NSD3: variants seen among roughly 807,000 people sequenced by gnomAD.
The protein encoded by NSD3 is nuclear receptor binding SET domain protein 3.
A neutral mutation model predicts 160.8 loss-of-function variants in NSD3; 24 were observed. The observed-to-expected ratio is 0.15, with a 90% CI of 0.11 to 0.21. NSD3 has a LOEUF of 0.21. Among genes scored for constraint, NSD3 ranks in the 10% least tolerant of loss-of-function variants. NSD3 has a pLI of 1.00. For synonymous variants in NSD3, 520 were observed against 600.0 expected (o/e 0.87, Z 1.95); for missense variants, 1,157 against 1,735.9 (o/e 0.67, Z 5.93).
At chr8:38,365,741 C>T (rs769905896) in intron 1 of NSD3, among the ~76,000 whole-genome samples, 3 of 151,906 alleles carry the variant, frequency 2.0e-5, no homozygotes, top group Admixed American at 1.3e-4. Flanking sequence ...CCACCGCACC[C>T]GGCTTAGATT....
intron 2 of NSD3, among the ~76,000 whole-genome samples, chr8:38,344,891 A>G (rs1212170772): frequency 6.6e-6 from 1 of 152,202 alleles, no homozygotes. Context: ...ACCAGTAGGC[A>G]TAGGGTATTG....
At chr8:38,344,772 T>TG (rs1264267110) in intron 2 of NSD3, among the ~76,000 whole-genome samples, 1 of 152,184 alleles carries the variant, frequency 6.6e-6, no homozygotes, top group African/African-American at 2.4e-5. Flanking sequence ...CTGAGGCATC[T>TG]GGGGGAGGGA....
In NSD3 at chr8:38,289,449, C is replaced by G. The variant is rs1372122149; in HGVS notation, c.3175G>C (p.Glu1059Gln). The stretch of plus-strand genomic sequence containing the variant: ...GAGTTTTTTTCAATCTCTAGGGCTT[C>G]TTTACTTTCTCTTTGTGCTTTCAAT... ...QELKAQRESK[E>Q]ALEIEKNSRK... Residue 1059 changes from glutamate to glutamine, a missense_variant, in exon 18 of 24, where the codon GAA (glutamate) becomes CAA (glutamine). Around this residue, in one of 10 missense-constraint regions of NSD3, gnomAD observed 437 missense variants for 576.6 expected, o/e 0.76. Coordinates refer to ENST00000317025, the MANE Select transcript of NSD3 (RefSeq NM_023034.2). The G allele has an allele frequency of 1.2e-6, 2 of 1,613,738 alleles. No homozygotes were observed. Among genetic ancestry groups the G allele is most frequent in the African/African-American group, 2.7e-5 (2 of 74,858 alleles).
intron 10 of NSD3, 64 bp downstream of exon 10, chr8:38,315,848 T>C (rs1009843073): frequency 2.4e-5 from 38 of 1,553,458 alleles, no homozygotes; most frequent in Admixed American, 1.9e-4. Context: ...TTTCCCCAAA[T>C]AAATAAGGGA....
At chr8:38,338,780 G>C (rs1460014428) in intron 2 of NSD3, among the ~76,000 whole-genome samples, 173 bp from the exon 3 acceptor site, 2 of 152,148 alleles carry the variant, frequency 1.3e-5, no homozygotes, top group Non-Finnish European at 2.9e-5. Flanking sequence ...ACCTAATGCT[G>C]TCTCAACATT....
chr8:38,285,623 A>G (rs1387188815), intron 19 of NSD3, among the ~76,000 whole-genome samples: 1 of 152,272 alleles, frequency 6.6e-6, no homozygotes. Flanking sequence ...TTAACACAAT[A>G]TTAAAGTGGA....
At chr8:38,277,285 T>G (rs1453694488) in intron 22 of NSD3, among the ~76,000 whole-genome samples, 1 of 152,036 alleles carries the variant, frequency 6.6e-6, no homozygotes, top group Non-Finnish European at 1.5e-5. Context: ...TTTTTATTTA[T>G]TTAGTTTTTT....
At chr8:38,365,918 A>C in intron 1 of NSD3, among the ~76,000 whole-genome samples, 1 of 152,088 alleles carries the variant, frequency 6.6e-6, no homozygotes, top group Non-Finnish European at 1.5e-5. Flanking sequence ...ATTACGGTTT[A>C]CTCAAGTATT....
rs1268154948 is a variant in NSD3, at chr8:38,315,631, C to T, written c.1987-87G>A. 4.5e-6 allele frequency: 7 copies of T among 1,545,188 alleles called. No individual in the cohort carries two copies. In the East Asian group the frequency reaches 1.6e-4, roughly 35 times the overall value. On this transcript the variant is annotated intron_variant, in intron 10 of 23. Transcript: ENST00000317025. Reference sequence around the variant, plus strand: ...GCTATGAAAATCCTAGTAAGACTTGCTCAAACATTAGATCTTGACACAACC... The same window carrying T: ...GCTATGAAAATCCTAGTAAGACTTGTTCAAACATTAGATCTTGACACAACC...
chr8:38,379,808 T>G (rs1310871065), intron 1 of NSD3, among the ~76,000 whole-genome samples: 1 of 152,250 alleles, frequency 6.6e-6, no homozygotes, highest in Non-Finnish European at 1.5e-5. Flanking sequence ...GGTTAAAGTT[T>G]GGATTACTCC....
rs759605910 is a variant in NSD3, at chr8:38,321,140, T to C, written c.1741A>G (p.Ile581Val). 5 of 1,613,094 alleles carry C rather than the reference T, an allele frequency of 3.1e-6. No individual in the cohort carries two copies. The highest frequency in any genetic ancestry group is 4.2e-6 in the Non-Finnish European group (5 of 1,179,850). ...TTCTCTGATTCAGAACGAGTTCTAA[T>C]TGATCTTCTCTGTTGCTTCTTTTCT... The part of the protein sequence containing the change: ...SVEKKQQRRS[I>V]RTRSESEKST... The change falls in exon 8 of 24, where the codon ATT becomes GTT. Residue 581 changes from isoleucine (I) to valine (V), a missense_variant. Coordinates refer to ENST00000317025, the MANE Select transcript of NSD3 (RefSeq NM_023034.2). This position sits in a 1 kb window ranked among gnomAD's most constrained non-coding sequence, Gnocchi z 4.7.
intron 10 of NSD3, 143 bp downstream of exon 10, chr8:38,315,769 G>C: frequency 7.6e-7 from 1 of 1,318,732 alleles, no homozygotes; most frequent in South Asian, 1.5e-5. Flanking sequence ...TAACATGAGA[G>C]CAAAAGAATT....
intron 4 of NSD3, among the ~76,000 whole-genome samples, chr8:38,334,608 A>T (rs1245520030): frequency 6.6e-6 from 1 of 152,024 alleles, no homozygotes; most frequent in Non-Finnish European, 1.5e-5. Flanking sequence ...CAAAAAAAAA[A>T]AAATTAGCCG....
At chr8:38,280,840 C>T (rs1202082995) in intron 20 of NSD3, among the ~76,000 whole-genome samples, 1 of 151,678 alleles carries the variant, frequency 6.6e-6, no homozygotes, top group Non-Finnish European at 1.5e-5. Context: ...ACAGCCTTGA[C>T]CTCCTGGGCT....
intron 12 of NSD3, among the ~76,000 whole-genome samples, chr8:38,311,837 G>A (rs1426777615): frequency 1.3e-5 from 2 of 152,122 alleles, no homozygotes; most frequent in African/African-American, 2.4e-5. Flanking sequence ...TGCCTTTGGT[G>A]TCATGTATAT....
At chr8:38,368,277 A>G (rs1811156214) in intron 1 of NSD3, among the ~76,000 whole-genome samples, 1 of 152,226 alleles carries the variant, frequency 6.6e-6, no homozygotes, top group South Asian at 2.1e-4. Flanking sequence ...ATCTGTAAAG[A>G]ATAACTGTGC....
At position 38,286,694 on chromosome 8, in the gene NSD3, C is replaced by G. The variant is rs186522900; in HGVS notation, c.3501+1793G>C. On this transcript the variant is annotated intron_variant, in intron 19 of 23. Coordinates refer to ENST00000317025, the MANE Select transcript of NSD3 (RefSeq NM_023034.2). ...TATGGCCAGTAAGGCACCATCCTATCTAGCCAGTGGCTGACCTTCTCACCG... is the reference window on the plus strand; with the variant it reads ...TATGGCCAGTAAGGCACCATCCTATGTAGCCAGTGGCTGACCTTCTCACCG... Among the ~76,000 whole-genome samples the G allele has an allele frequency of 1.6e-3, 243 of 152,352 alleles. 3 individuals are homozygous for G. The highest frequency in any genetic ancestry group is 5.5e-3 in the African/African-American group (227 of 41,584).
chr8:38,347,399 C>G, intron 2 of NSD3, 98 bp downstream of exon 2: 1 of 1,296,378 alleles, frequency 7.7e-7, no homozygotes, highest in Non-Finnish European at 1.1e-6. Flanking sequence ...AGTTATCAGA[C>G]AGATTCATAT....
intron 21 of NSD3, among the ~76,000 whole-genome samples, chr8:38,279,276 G>A (rs1050052754): frequency 1.3e-5 from 2 of 152,164 alleles, no homozygotes; most frequent in Non-Finnish European, 2.9e-5. Flanking sequence ...GCAGGACTGC[G>A]GACACAGAAT....
Sources: gnomAD v4.1 joint callset for allele counts (sites outside exome capture counted in the v4.1 genomes callset) on GRCh38, gnomAD v4.1.1 for gene constraint, gnomAD v4.1.1 regional missense constraint, Gnocchi (gnomAD v3.1) non-coding constraint, MANE v1.5 for transcripts, NCBI Gene and HGNC (gene_info 2026-07-23, HGNC 2026-07-21) for gene names.